The following ST8SIA5 variants were observed in gnomAD, a reference collection of about 807,000 sequenced individuals.
ST8SIA5 encodes alpha-2,8-sialyltransferase 8E.
ST8SIA5 carries 24 observed loss-of-function variants against 40.2 expected under a neutral mutation model. The ratio of observed to expected loss-of-function variants is 0.60; its 90% CI spans 0.43 to 0.84. The LOEUF is 0.84. Among genes scored for constraint, ST8SIA5 ranks in the 40% least tolerant of loss-of-function variants. The pLI is 0.00. For missense variants in ST8SIA5, 465 were observed against 498.5 expected (o/e 0.93, Z 0.64); for synonymous variants, 198 against 201.8 (o/e 0.98, Z 0.16).
At chr18:46,716,129 T>TAGATAGAC (rs1160714699) in intron 1 of ST8SIA5, among the ~76,000 whole-genome samples, 2 of 150,292 alleles carry the variant, frequency 1.3e-5, no homozygotes, top group Non-Finnish European at 2.9e-5. Context: ...GATAGATAGA[T>TAGATAGAC]AGATAGATAT....
intron 1 of ST8SIA5, among the ~76,000 whole-genome samples, chr18:46,748,323 G>A (rs1455323785): frequency 6.6e-6 from 1 of 152,052 alleles, no homozygotes; most frequent in Non-Finnish European, 1.5e-5. Flanking sequence ...CAGCACTTTG[G>A]GAGGCTGGGA....
At chr18:46,718,174 A>C (rs1181858747) in intron 1 of ST8SIA5, among the ~76,000 whole-genome samples, 1 of 152,090 alleles carries the variant, frequency 6.6e-6, no homozygotes, top group Non-Finnish European at 1.5e-5. Flanking sequence ...ACTAAAAATT[A>C]CAAAAATTAG....
chr18:46,701,664 T>C (rs979644190), intron 2 of ST8SIA5, among the ~76,000 whole-genome samples: 1 of 152,070 alleles, frequency 6.6e-6, no homozygotes, highest in African/African-American at 2.4e-5. Context: ...GCCTCCAGAA[T>C]TGTGGAAGAA....
intron 1 of ST8SIA5, among the ~76,000 whole-genome samples, chr18:46,750,407 A>T (rs2040184844): frequency 6.6e-6 from 1 of 152,190 alleles, no homozygotes; most frequent in Non-Finnish European, 1.5e-5. Context: ...TTAAAAGAAG[A>T]CGGAACAATT....
At position 46,676,435 on chromosome 18, in the gene ST8SIA5, T is replaced by C. The variant is rs1448399909; in HGVS notation, c.*3607A>G. 4.6e-5 allele frequency: 7 copies of C among 152,344 alleles called. 1 individual carries two copies. In the South Asian group the frequency reaches 1.2e-3, roughly 27 times the overall value. The allele number at this position is 152,344 out of a possible 1,614,324, so 9.4% of individuals were successfully genotyped here. A position where few individuals can be genotyped will look rare whatever the true frequency, so the allele number is the denominator to read the frequency against. On this transcript the variant is annotated 3_prime_UTR_variant, in exon 7 of 7. Transcript: ENST00000315087. Reference sequence around the variant, plus strand: ...TCAATAAATATAATTTATTCACCAATTCACTCACTAAATTGGCCAGCACTC... The same window carrying C: ...TCAATAAATATAATTTATTCACCAACTCACTCACTAAATTGGCCAGCACTC...
chr18:46,688,236 G>T (rs1169595527), intron 4 of ST8SIA5, among the ~76,000 whole-genome samples: 1 of 152,164 alleles, frequency 6.6e-6, no homozygotes, highest in Non-Finnish European at 1.5e-5. Context: ...TCTTGATTAA[G>T]ACTCTGATAT....
chr18:46,694,471 A>G (rs553637194), intron 2 of ST8SIA5, among the ~76,000 whole-genome samples: 2 of 152,312 alleles, frequency 1.3e-5, no homozygotes, highest in Admixed American at 1.3e-4. Context: ...AGGCAGCACC[A>G]TGATTTCTCT....
At chr18:46,753,338 C>T (rs7229175) in intron 1 of ST8SIA5, among the ~76,000 whole-genome samples, 22,938 of 152,036 alleles carry the variant, frequency 0.15, 2,895 homozygotes, top group African/African-American at 0.35. Context: ...TTTGGAAGGC[C>T]GAGGCGGGCG....
intron 2 of ST8SIA5, among the ~76,000 whole-genome samples, chr18:46,694,843 A>T (rs1166598228): frequency 1.3e-5 from 2 of 151,832 alleles, no homozygotes; most frequent in Non-Finnish European, 2.9e-5. Context: ...ATTTAAAAAA[A>T]AAAAGCAAAT....
chr18:46,697,028 T>C (rs1371415732), intron 2 of ST8SIA5, among the ~76,000 whole-genome samples: 1 of 146,398 alleles, frequency 6.8e-6, no homozygotes, highest in Non-Finnish European at 1.5e-5. Context: ...CCATCAAGCC[T>C]ACACTCCCCC....
In ST8SIA5 at chr18:46,744,132, G is replaced by A. The variant is rs551603328; in HGVS notation, c.131+12246C>T. On this transcript the variant is annotated intron_variant, in intron 1 of 6. Coordinates refer to ENST00000315087, the MANE Select transcript of ST8SIA5 (RefSeq NM_013305.6). ...AACATGCCAAATTGTAAAAACCATC[G>A]ATGCTATGAAGAAACTGCATCAATT... is the stretch of plus-strand genomic sequence containing the variant. Among the ~76,000 whole-genome samples, 238 of 152,262 alleles carry A rather than the reference G, an allele frequency of 1.6e-3. 1 individual carries two copies. The highest frequency in any genetic ancestry group is 5.5e-3 in the African/African-American group (229 of 41,548).
At chr18:46,743,481 T>C (rs1196565962) in intron 1 of ST8SIA5, among the ~76,000 whole-genome samples, 2 of 152,118 alleles carry the variant, frequency 1.3e-5, no homozygotes, top group African/African-American at 4.8e-5. Context: ...GAAGATCAAA[T>C]TAATGAAATA....
chr18:46,733,090 G>A (rs557274020), intron 1 of ST8SIA5, among the ~76,000 whole-genome samples: 45 of 152,242 alleles, frequency 3.0e-4, no homozygotes, highest in African/African-American at 1.0e-3. Flanking sequence ...GGGGGTCCAC[G>A]GCACTGTTCT....
Position 46,756,876 on chromosome 18 carries a change from A to C in ST8SIA5, c.-368T>G. On this transcript the variant is annotated 5_prime_UTR_variant, in exon 1 of 7. Coordinates refer to ENST00000315087, the MANE Select transcript of ST8SIA5 (RefSeq NM_013305.6). ...GCCCCTCCCGCCGAGGTGGCGGCCA[A>C]TGGGGAGCAAGACCCGGGCTCCGTC... 1.3e-5 allele frequency: 3 copies of C among 237,198 alleles called. No individual in the cohort carries two copies. The highest frequency in any genetic ancestry group is 2.4e-5 in the Non-Finnish European group (3 of 123,002). The allele number at this position is 237,198 out of a possible 1,614,324, so 14.7% of individuals were successfully genotyped here.
intron 1 of ST8SIA5, among the ~76,000 whole-genome samples, chr18:46,749,344 C>T (rs893046318): frequency 2.6e-5 from 4 of 152,092 alleles, no homozygotes; most frequent in Non-Finnish European, 5.9e-5. Context: ...TAACTCTACA[C>T]TTTAAGTGGG....
intron 1 of ST8SIA5, among the ~76,000 whole-genome samples, chr18:46,745,685 GAA>G (rs2040132879): frequency 6.6e-6 from 1 of 152,102 alleles, no homozygotes; most frequent in Non-Finnish European, 1.5e-5. Flanking sequence ...CCAATCAATA[GAA>G]AAAGAGGGAC....
At chr18:46,707,286 G>C (rs1234140348) in intron 1 of ST8SIA5, among the ~76,000 whole-genome samples, 1 of 152,192 alleles carries the variant, frequency 6.6e-6, no homozygotes, top group Non-Finnish European at 1.5e-5. Context: ...ACTTATCCTA[G>C]AGTTATTGGG....
chr18:46,738,974 A>G (rs1182204589), intron 1 of ST8SIA5, among the ~76,000 whole-genome samples: 1 of 152,216 alleles, frequency 6.6e-6, no homozygotes, highest in Non-Finnish European at 1.5e-5. Flanking sequence ...AAGACAAAGC[A>G]TAGGAGGGTC....
intron 5 of ST8SIA5, among the ~76,000 whole-genome samples, chr18:46,683,816 G>T (rs2039420731): frequency 6.6e-6 from 1 of 152,092 alleles, no homozygotes; most frequent in Non-Finnish European, 1.5e-5. Context: ...ACTTTCATAG[G>T]ATTATATGAG....
Sources: gnomAD v4.1 joint callset for allele counts (sites outside exome capture counted in the v4.1 genomes callset) on GRCh38, gnomAD v4.1.1 for gene constraint, MANE v1.5 for transcripts, NCBI Gene and HGNC (gene_info 2026-07-23, HGNC 2026-07-21) for gene names.